Variants in ADAM12 observed in about 807,000 individuals in gnomAD.
ADAM12 encodes the protein ADAM metallopeptidase domain 12, also known as disintegrin and metalloproteinase domain-containing protein 12.
Under a neutral mutation model 106.4 loss-of-function variants are expected in ADAM12, and 70 were observed. That is an observed-to-expected ratio of 0.66 (90% CI 0.54 to 0.80). ADAM12 has a LOEUF of 0.80. Ranked by LOEUF, ADAM12 falls within the 30% of genes least tolerant of loss-of-function variation. The pLI is 0.00. For missense variants in ADAM12, 1,010 were observed against 1,171.9 expected, an observed-to-expected ratio of 0.86 and a Z score of 2.02; for synonymous variants, 420 against 433.5, an observed-to-expected ratio of 0.97 and a Z score of 0.39.
intron 5 of ADAM12, among the ~76,000 whole-genome samples, chr10:126,120,818 T>C (rs1039833432): frequency 2.0e-5 from 3 of 147,292 alleles, no homozygotes; most frequent in African/African-American, 5.0e-5. Context: ...AATTCAGGAG[T>C]GAGGATAAGG....
Position 126,283,107 on chromosome 10 carries a change from C to T in ADAM12, c.187-4119G>A, listed in dbSNP as rs571142814. 2.6e-5 allele frequency among the ~76,000 whole-genome samples: 4 copies of T among 152,166 alleles called. No individual in the cohort carries two copies. The East Asian group carries it at 7.7e-4, about 29-fold the overall frequency. On this transcript the variant is annotated intron_variant, in intron 2 of 22. Coordinates refer to ENST00000448723, the MANE Select transcript of ADAM12 (RefSeq NM_001288973.2). ...TAAGGAGCCCACAACCTAGATCCCT[C>T]ACGTGCACAGTTCACAATAGGGTTT...
At chr10:126,195,910 C>T (rs1957589211) in intron 3 of ADAM12, among the ~76,000 whole-genome samples, 1 of 152,170 alleles carries the variant, frequency 6.6e-6, no homozygotes, top group Non-Finnish European at 1.5e-5. Context: ...TGTCTGCTTT[C>T]AAAGTAAAAC....
chr10:126,294,021 C>G (rs1960266561), intron 2 of ADAM12, among the ~76,000 whole-genome samples: 1 of 152,182 alleles, frequency 6.6e-6, no homozygotes, highest in South Asian at 2.1e-4. Flanking sequence ...ACTTTGAAGA[C>G]CCATCAATGT....
chr10:126,266,076 T>C (rs553539582), intron 3 of ADAM12, among the ~76,000 whole-genome samples: 1 of 152,296 alleles, frequency 6.6e-6, no homozygotes, highest in African/African-American at 2.4e-5. Context: ...TGGTAATTGT[T>C]GCACACAGGC....
intron 11 of ADAM12, among the ~76,000 whole-genome samples, chr10:126,088,796 G>A (rs1300638540): frequency 6.6e-6 from 1 of 152,132 alleles, no homozygotes; most frequent in Non-Finnish European, 1.5e-5. Flanking sequence ...TGTGTTCCGT[G>A]TCCAGGCAGG....
chr10:126,042,475 T>G (rs543167155), intron 18 of ADAM12, among the ~76,000 whole-genome samples: 1 of 152,164 alleles, frequency 6.6e-6, no homozygotes, highest in African/African-American at 2.4e-5. Flanking sequence ...AGGTCCTAGG[T>G]ATGTGAGAAA....
chr10:126,295,804 T>C (rs1960349730), intron 2 of ADAM12, among the ~76,000 whole-genome samples: 1 of 152,040 alleles, frequency 6.6e-6, no homozygotes, highest in Non-Finnish European at 1.5e-5. Context: ...AACAAAATTA[T>C]GGAATGTAAA....
chr10:126,051,694 A>T (rs1954507796), intron 14 of ADAM12, among the ~76,000 whole-genome samples: 1 of 151,136 alleles, frequency 6.6e-6, no homozygotes, highest in Non-Finnish European at 1.5e-5. Context: ...GCCAGCCATC[A>T]TGTTGCAGGC....
chr10:126,344,504 G>A (rs1855060588), intron 1 of ADAM12, among the ~76,000 whole-genome samples: 2 of 152,096 alleles, frequency 1.3e-5, no homozygotes, highest in Non-Finnish European at 2.9e-5. Flanking sequence ...TTGGAAATGT[G>A]GGCTCTTTTT....
At position 126,049,621 on chromosome 10, in the gene ADAM12, C is replaced by T. The variant is rs1312237904; in HGVS notation, c.1658G>A (p.Gly553Asp). 2 of 1,614,200 alleles carry T rather than the reference C, an allele frequency of 1.2e-6. No homozygotes were observed. ...GICFERVNSA[G>D]DPYGNCGKVS... ...TTTGCCACAGTTGCCATAAGGATCACCTGCAGAATTGACTCTCTCAAAGCA... is the reference window on the plus strand; with the variant it reads ...TTTGCCACAGTTGCCATAAGGATCATCTGCAGAATTGACTCTCTCAAAGCA... Residue 553 changes from glycine (G) to aspartate (D), a missense_variant, in exon 15 of 23, where the codon GGT (glycine) becomes GAT (aspartate). Gly to Asp is a moderately conservative substitution (Grantham distance 94). Coordinates refer to ENST00000448723, the MANE Select transcript of ADAM12 (RefSeq NM_001288973.2). This position sits in a 1 kb window ranked among gnomAD's most constrained non-coding sequence, Gnocchi z 4.4.
intron 5 of ADAM12, among the ~76,000 whole-genome samples, chr10:126,134,262 G>A (rs1380781858): frequency 6.6e-6 from 1 of 152,252 alleles, no homozygotes; most frequent in Non-Finnish European, 1.5e-5. Flanking sequence ...GCATGCAAAT[G>A]TGTGTGTTCA....
chr10:126,261,802 T>A (rs1188911143), intron 3 of ADAM12, among the ~76,000 whole-genome samples: 2 of 68,600 alleles, frequency 2.9e-5, no homozygotes, highest in African/African-American at 8.6e-5. Context: ...GGATGGATAG[T>A]ATTTTTTTTT....
At chr10:126,260,257 T>G (rs371973972) in intron 3 of ADAM12, among the ~76,000 whole-genome samples, 1 of 152,218 alleles carries the variant, frequency 6.6e-6, no homozygotes, top group African/African-American at 2.4e-5. Context: ...CTATCCATAC[T>G]CACAGGCAAA....
intron 11 of ADAM12, among the ~76,000 whole-genome samples, chr10:126,073,888 A>C (rs185614029): frequency 6.6e-4 from 101 of 152,366 alleles, no homozygotes; most frequent in African/African-American, 2.4e-3. Context: ...GATTCACAAG[A>C]AAAATGATAA....
intron 3 of ADAM12, among the ~76,000 whole-genome samples, chr10:126,250,234 C>T (rs1170124605): frequency 2.0e-5 from 3 of 152,164 alleles, no homozygotes; most frequent in Admixed American, 2.0e-4. Flanking sequence ...CAACAAATAT[C>T]CCTCCAGAGC....
intron 1 of ADAM12, among the ~76,000 whole-genome samples, chr10:126,375,601 A>G (rs369666451): frequency 1.3e-5 from 2 of 152,178 alleles, no homozygotes; most frequent in African/African-American, 4.8e-5. Context: ...CTAAATTAAC[A>G]GAACTGGGAA....
chr10:126,035,988 C>T (rs1160406653), intron 21 of ADAM12, among the ~76,000 whole-genome samples, 158 bp downstream of exon 21: 1 of 152,206 alleles, frequency 6.6e-6, no homozygotes, highest in African/African-American at 2.4e-5. Context: ...AAACTAACTG[C>T]TTTATGTGGA....
rs371887860 is a variant in ADAM12, at chr10:126,339,992, C to T, written c.89-9483G>A. ...GCTTCAGCCTCCGGAGTAGCTGGGACTACAGGTGCATACCACCACACCTAG... is the reference window on the plus strand; with the variant it reads ...GCTTCAGCCTCCGGAGTAGCTGGGATTACAGGTGCATACCACCACACCTAG... On this transcript the variant is annotated intron_variant, in intron 1 of 22. Coordinates refer to ENST00000448723, the MANE Select transcript of ADAM12 (RefSeq NM_001288973.2). Among the ~76,000 whole-genome samples the T allele has an allele frequency of 1.2e-3, 182 of 151,826 alleles. 7 individuals are homozygous for T. In the South Asian group the frequency reaches 0.038, roughly 31 times the overall value.
At chr10:126,135,050 T>C (rs920984558) in intron 5 of ADAM12, among the ~76,000 whole-genome samples, 1 of 152,224 alleles carries the variant, frequency 6.6e-6, no homozygotes, top group African/African-American at 2.4e-5. Flanking sequence ...GGTTGACTTG[T>C]CTAGCATGGG....
Sources: allele counts gnomAD v4.1 joint callset (sites outside exome capture counted in the v4.1 genomes callset), GRCh38; gene constraint gnomAD v4.1.1; non-coding constraint Gnocchi (gnomAD v3.1); transcripts MANE v1.5; gene names NCBI Gene and HGNC (gene_info 2026-07-23, HGNC 2026-07-21).